The following LIMS1 variants were observed in gnomAD, a reference collection of about 807,000 sequenced individuals.
LIMS1 encodes LIM zinc finger domain containing 1.
Under a neutral mutation model 44.1 loss-of-function variants are expected in LIMS1, and 18 were observed. The ratio of observed to expected loss-of-function variants is 0.41; its 90% CI spans 0.28 to 0.61. The LOEUF (loss-of-function observed/expected upper bound fraction) is 0.61. LIMS1 is among the 20% of genes least tolerant of loss of function. The pLI is 0.32. For missense variants in LIMS1, 201 were observed against 422.0 expected, an observed-to-expected ratio of 0.48 and a Z score of 4.59; for synonymous variants, 93 against 149.1, an observed-to-expected ratio of 0.62 and a Z score of 2.74.
chr2:108,557,673 C>T (rs1684972670), intron 1 of LIMS1, among the ~76,000 whole-genome samples: 2 of 151,916 alleles, frequency 1.3e-5, no homozygotes, highest in Admixed American at 1.3e-4. Flanking sequence ...CGTGCCACCA[C>T]GCCCAGCTAA....
intron 1 of LIMS1, among the ~76,000 whole-genome samples, chr2:108,573,689 TG>T (rs1433817447): frequency 6.6e-6 from 1 of 152,178 alleles, no homozygotes; most frequent in Non-Finnish European, 1.5e-5. Flanking sequence ...ATGTCCTTGT[TG>T]GGGATGGTAG....
chr2:108,683,667 C>A (rs1336361147), intron 9 of LIMS1, among the ~76,000 whole-genome samples: 4 of 151,168 alleles, frequency 2.6e-5, no homozygotes, highest in African/African-American at 9.7e-5. Flanking sequence ...ATGTATAGAA[C>A]CAATTTATAA....
chr2:108,574,866 T>G (rs988928719), intron 1 of LIMS1, among the ~76,000 whole-genome samples: 4 of 152,306 alleles, frequency 2.6e-5, no homozygotes, highest in African/African-American at 9.6e-5. Context: ...GGTTTTATTT[T>G]TATGGAATTT....
chr2:108,567,867 C>T (rs547009330), intron 1 of LIMS1, among the ~76,000 whole-genome samples: 6 of 152,304 alleles, frequency 3.9e-5, no homozygotes, highest in Non-Finnish European at 7.3e-5. Context: ...CCACCTCACC[C>T]AGCCTGCCCT....
At chr2:108,639,303 G>T (rs547789853) in intron 1 of LIMS1, among the ~76,000 whole-genome samples, 12 of 152,274 alleles carry the variant, frequency 7.9e-5, no homozygotes, top group African/African-American at 2.9e-4. Flanking sequence ...GAAAAAAAAG[G>T]GACAGTGGTA....
At chr2:108,595,104 G>A (rs1227727872) in intron 1 of LIMS1, among the ~76,000 whole-genome samples, 2 of 152,186 alleles carry the variant, frequency 1.3e-5, no homozygotes, top group African/African-American at 4.8e-5. Flanking sequence ...GCTATTTATG[G>A]AGAGCAGTAA....
chr2:108,548,228 T>C (rs901997758), intron 1 of LIMS1, among the ~76,000 whole-genome samples: 3 of 152,152 alleles, frequency 2.0e-5, no homozygotes, highest in South Asian at 2.1e-4. Flanking sequence ...ATTACAATGA[T>C]ATAACTTTGA....
At chr2:108,565,278 C>G (rs1007075487) in intron 1 of LIMS1, among the ~76,000 whole-genome samples, 1 of 152,154 alleles carries the variant, frequency 6.6e-6, no homozygotes, top group Non-Finnish European at 1.5e-5. Flanking sequence ...GATACAATTT[C>G]TGGGAAGTTT....
chr2:108,615,503 T>C (rs1186889875), intron 1 of LIMS1, among the ~76,000 whole-genome samples: 1 of 152,050 alleles, frequency 6.6e-6, no homozygotes, highest in South Asian at 2.1e-4. Context: ...CATGCCTTTT[T>C]GTGGTCCTTA....
At chr2:108,623,220 T>C (rs1231548450) in intron 1 of LIMS1, among the ~76,000 whole-genome samples, 2 of 150,764 alleles carry the variant, frequency 1.3e-5, no homozygotes, top group Non-Finnish European at 1.5e-5. Flanking sequence ...ATGCCTGGAT[T>C]TTTTTTTTAA....
At chr2:108,582,856 A>G (rs1416425667) in intron 1 of LIMS1, among the ~76,000 whole-genome samples, 1 of 152,176 alleles carries the variant, frequency 6.6e-6, no homozygotes, top group Non-Finnish European at 1.5e-5. Flanking sequence ...ATGCCATGAA[A>G]TTATAAATTG....
At chr2:108,637,951 G>A (rs1164109298) in intron 1 of LIMS1, among the ~76,000 whole-genome samples, 1 of 151,720 alleles carries the variant, frequency 6.6e-6, no homozygotes, top group Non-Finnish European at 1.5e-5. Flanking sequence ...TAGCTCACAG[G>A]CTCAAGCGAT....
intron 1 of LIMS1, among the ~76,000 whole-genome samples, chr2:108,650,378 G>A (rs1476218714): frequency 6.6e-6 from 1 of 151,730 alleles, no homozygotes; most frequent in Non-Finnish European, 1.5e-5. Flanking sequence ...GTCTTTTTGG[G>A]AGAATTGTGT....
At chr2:108,534,438 G>A in exon 1 of LIMS1, 1 of 731,488 alleles carries the variant, frequency 1.4e-6, no homozygotes, top group Non-Finnish European at 1.8e-6. Context: ...GCCGGCCCCT[G>A]GCCTTCCTCC....
chr2:108,553,336 G>T (rs1684823327), intron 1 of LIMS1, among the ~76,000 whole-genome samples: 1 of 152,290 alleles, frequency 6.6e-6, no homozygotes, highest in Admixed American at 6.5e-5. Flanking sequence ...ATTGCTCCAC[G>T]ATTGAAGCAA....
intron 1 of LIMS1, among the ~76,000 whole-genome samples, chr2:108,628,959 C>T (rs758673286): frequency 4.1e-4 from 62 of 152,154 alleles, no homozygotes; most frequent in South Asian, 1.0e-3. Flanking sequence ...AAGCAGAATA[C>T]TTATTTGACC....
chr2:108,563,775 A>G (rs1381966194), intron 1 of LIMS1, among the ~76,000 whole-genome samples: 1 of 152,158 alleles, frequency 6.6e-6, no homozygotes, highest in Non-Finnish European at 1.5e-5. Flanking sequence ...CGAATGTTCT[A>G]GTGGCCAGGC....
chr2:108,659,783 A>G lies in LIMS1; in HGVS notation c.192+19A>G. On this transcript the variant is annotated intron_variant, in intron 2 of 9. Transcript: ENST00000544547. ...CTATGAGGTGAGTTGCACTGGACAA[A>G]AGCAGGGAGGTGCCATTCCCCGCCC... 1 of 1,612,180 alleles carries G rather than the reference A, an allele frequency of 6.2e-7. No homozygotes were observed. Among genetic ancestry groups the G allele is most frequent in the Non-Finnish European group, 8.5e-7 (1 of 1,179,862 alleles).
chr2:108,600,380 C>G (rs1054973081), intron 1 of LIMS1, among the ~76,000 whole-genome samples: 3 of 151,850 alleles, frequency 2.0e-5, no homozygotes, highest in African/African-American at 7.3e-5. Context: ...TAATGTGATC[C>G]CATTTGTGCA....
Sources: gnomAD v4.1 joint callset for allele counts (sites outside exome capture counted in the v4.1 genomes callset) on GRCh38, gnomAD v4.1.1 for gene constraint, MANE v1.5 for transcripts, NCBI Gene and HGNC (gene_info 2026-07-23, HGNC 2026-07-21) for gene names.